The following ELAPOR2 variants were observed in gnomAD, a reference collection of about 807,000 sequenced individuals.
ELAPOR2 encodes the protein endosome-lysosome associated apoptosis and autophagy regulator family member 2, also known as endosome/lysosome-associated apoptosis and autophagy regulator family member 2.
A neutral mutation model predicts 120.7 loss-of-function variants in ELAPOR2; 89 were observed. That is an observed-to-expected ratio of 0.74 (90% confidence interval 0.62 to 0.88). ELAPOR2 has a LOEUF of 0.88. Among genes scored for constraint, ELAPOR2 ranks in the 40% least tolerant of loss-of-function variants. The pLI, the probability that ELAPOR2 is intolerant of heterozygous loss-of-function variation, is 0.00. For missense variants in ELAPOR2, 1,134 were observed against 1,251.6 expected (o/e 0.91, Z 1.42); for synonymous variants, 444 against 444.9 (o/e 1.00, Z 0.03).
chr7:86,940,145 G>C, intron 5 of ELAPOR2, 30 bp from the exon 6 acceptor site: 1 of 1,419,592 alleles, frequency 7.0e-7, no homozygotes, highest in Non-Finnish European at 9.9e-7. Context: ...GGCACTTAGG[G>C]CAGATAAGCC....
intron 18 of ELAPOR2, among the ~76,000 whole-genome samples, chr7:86,899,151 T>G (rs1467048976): frequency 6.6e-6 from 1 of 152,118 alleles, no homozygotes; most frequent in East Asian, 1.9e-4. Flanking sequence ...AACTCTTCTT[T>G]CTAGCGGGTG....
intron 1 of ELAPOR2, among the ~76,000 whole-genome samples, chr7:86,965,477 G>T (rs1791871008): frequency 6.6e-6 from 1 of 152,162 alleles, no homozygotes; most frequent in Non-Finnish European, 1.5e-5. Context: ...TTTAACAGAA[G>T]GTGTAAAAAT....
intron 8 of ELAPOR2, among the ~76,000 whole-genome samples, chr7:86,929,516 AC>A (rs1790229498): frequency 6.6e-6 from 1 of 151,886 alleles, no homozygotes; most frequent in African/African-American, 2.4e-5. Context: ...TCTTGGAATT[AC>A]CCACACCATG....
intron 1 of ELAPOR2, among the ~76,000 whole-genome samples, chr7:86,969,625 C>CA (rs1421804126): frequency 1.3e-5 from 2 of 151,964 alleles, no homozygotes; most frequent in Admixed American, 6.6e-5. Flanking sequence ...ACAACACACA[C>CA]AAAAAACATA....
intron 12 of ELAPOR2, among the ~76,000 whole-genome samples, chr7:86,917,897 T>C (rs138631238): frequency 8.8e-4 from 134 of 152,288 alleles, no homozygotes; most frequent in Non-Finnish European, 1.5e-3. Flanking sequence ...AAATCTCACA[T>C]AAGGTCTTAG....
intron 1 of ELAPOR2, among the ~76,000 whole-genome samples, chr7:87,037,644 T>C (rs1794631103): frequency 1.3e-5 from 2 of 152,202 alleles, no homozygotes; most frequent in African/African-American, 2.4e-5. Context: ...GTTCCTTCAT[T>C]TGCCAACAGA....
chr7:86,983,004 A>G (rs947145620), intron 1 of ELAPOR2, among the ~76,000 whole-genome samples: 3 of 152,232 alleles, frequency 2.0e-5, no homozygotes, highest in African/African-American at 4.8e-5. Context: ...GGCCTGACGG[A>G]GCTGAAAACC....
In ELAPOR2 at chr7:86,940,048, G is replaced by A. The variant is rs374145370; in HGVS notation, c.809C>T (p.Ala270Val). ...ATTTTTTACCAGCACAGGCTTGACCGCCTTAGAACCCATAAGGATGCCTGT... is the reference window on the plus strand; with the variant it reads ...ATTTTTTACCAGCACAGGCTTGACCACCTTAGAACCCATAAGGATGCCTGT... The part of the protein sequence containing the change: ...RTTGILMGSK[A>V]VKPVLVKNIT... Residue 270 changes from alanine (A) to valine (V), a missense_variant, in exon 6 of 22, where the codon GCG becomes GTG. Physicochemically the swap from Ala to Val is moderately conservative, Grantham distance 64. Around this residue, in one of 3 missense-constraint regions of ELAPOR2, gnomAD observed 23 missense variants for 52.4 expected, o/e 0.44. Coordinates refer to ENST00000450689, the MANE Select transcript of ELAPOR2 (RefSeq NM_001142749.3). The A allele has an allele frequency of 2.5e-5, 40 of 1,610,992 alleles. No homozygotes were observed. The South Asian group carries it at 2.5e-4, about 10-fold the overall frequency.
At chr7:86,902,199 A>T (rs1475160937) in intron 18 of ELAPOR2, among the ~76,000 whole-genome samples, 2 of 152,006 alleles carry the variant, frequency 1.3e-5, no homozygotes, top group East Asian at 3.9e-4. Context: ...GTTTTGAGAC[A>T]GAGTTTCCAT....
At chr7:86,908,021 AT>A (rs1789113588) in intron 17 of ELAPOR2, among the ~76,000 whole-genome samples, 1 of 151,996 alleles carries the variant, frequency 6.6e-6, no homozygotes, top group African/African-American at 2.4e-5. Flanking sequence ...TTTAATAAAA[AT>A]TATAATCAAA....
At position 87,001,596 on chromosome 7, in the gene ELAPOR2, A is replaced by G. The variant is rs148326549; in HGVS notation, c.190-36572T>C. Among the ~76,000 whole-genome samples the G allele has an allele frequency of 3.3e-3, 504 of 152,228 alleles. 7 individuals carry two copies. The highest frequency in any genetic ancestry group is 0.011 in the African/African-American group (470 of 41,562). ...CAACAAGTAGGATCTCTGAGCCCTAATAAAGCAAAGTCTTCCATTTTAGAT... is the reference window on the plus strand; with the variant it reads ...CAACAAGTAGGATCTCTGAGCCCTAGTAAAGCAAAGTCTTCCATTTTAGAT... On this transcript the variant is annotated intron_variant, in intron 1 of 21. Transcript: ENST00000450689.
At chr7:86,912,325 G>C in intron 14 of ELAPOR2, 80 bp from the exon 15 acceptor site, 1 of 903,476 alleles carries the variant, frequency 1.1e-6, no homozygotes. Flanking sequence ...AAAAGTTCTA[G>C]GTATAAAAAC....
At chr7:86,889,788 T>C (rs1788047587) in intron 21 of ELAPOR2, among the ~76,000 whole-genome samples, 1 of 152,030 alleles carries the variant, frequency 6.6e-6, no homozygotes, top group Non-Finnish European at 1.5e-5. Context: ...TTTTGAAAAT[T>C]TCCTTGTCCC....
At chr7:86,988,390 A>G (rs1418005323) in intron 1 of ELAPOR2, among the ~76,000 whole-genome samples, 1 of 152,014 alleles carries the variant, frequency 6.6e-6, no homozygotes, top group East Asian at 1.9e-4. Context: ...ACAGTAAAAA[A>G]ATGCAAATAA....
In ELAPOR2 at chr7:87,044,943, C is replaced by T. The variant is rs867087674; in HGVS notation, c.189+14382G>A. On this transcript the variant is annotated intron_variant, in intron 1 of 21. Coordinates refer to ENST00000450689, the MANE Select transcript of ELAPOR2 (RefSeq NM_001142749.3). ...ACAAACAACCCCATCAAAAAGTGGG[C>T]GAAGGACATGAACAGACACTTCTCA... is the stretch of plus-strand genomic sequence containing the variant. 6.7e-3 allele frequency among the ~76,000 whole-genome samples: 990 copies of T among 147,132 alleles called. 12 individuals carry two copies. Among genetic ancestry groups the T allele is most frequent in the African/African-American group, 0.023 (876 of 37,802 alleles).
At chr7:86,922,068 G>A (rs1306249871) in intron 10 of ELAPOR2, among the ~76,000 whole-genome samples, 4 of 151,628 alleles carry the variant, frequency 2.6e-5, no homozygotes, top group African/African-American at 9.7e-5. Context: ...TATCAACCAG[G>A]GCATATCAAA....
intron 8 of ELAPOR2, among the ~76,000 whole-genome samples, chr7:86,931,700 C>T (rs546540056): frequency 4.0e-5 from 6 of 151,708 alleles, no homozygotes; most frequent in Non-Finnish European, 7.4e-5. Context: ...AAGAACCAGT[C>T]CCTGTATACA....
chr7:86,968,020 A>G (rs2116496651), intron 1 of ELAPOR2, among the ~76,000 whole-genome samples: 1 of 152,320 alleles, frequency 6.6e-6, no homozygotes, highest in Non-Finnish European at 1.5e-5. Context: ...GGTAACAAAT[A>G]ATAAAAAACA....
chr7:86,882,525 T>C (rs1799460451), intron 21 of ELAPOR2, among the ~76,000 whole-genome samples: 1 of 152,142 alleles, frequency 6.6e-6, no homozygotes, highest in African/African-American at 2.4e-5. Context: ...TTGCATGGGA[T>C]TGTGCTCCTA....
Sources: allele counts gnomAD v4.1 joint callset (sites outside exome capture counted in the v4.1 genomes callset), GRCh38; gene constraint gnomAD v4.1.1; regional missense constraint gnomAD v4.1.1; transcripts MANE v1.5; gene names NCBI Gene and HGNC (gene_info 2026-07-23, HGNC 2026-07-21).